LDLRAD3: variants seen among roughly 807,000 people sequenced by gnomAD.
The protein encoded by LDLRAD3 is low-density lipoprotein receptor class A domain-containing protein 3.
Under a neutral mutation model 29.4 loss-of-function variants are expected in LDLRAD3, and 20 were observed. That is an observed-to-expected ratio of 0.68 (90% CI 0.48 to 0.99). The LOEUF is 0.99. LDLRAD3 is among the 50% of genes least tolerant of loss of function. The pLI, the probability that LDLRAD3 is intolerant of heterozygous loss-of-function variation, is 0.00. For synonymous variants in LDLRAD3, 157 were observed against 192.7 expected, an observed-to-expected ratio of 0.81 and a Z score of 1.53; for missense variants, 420 against 454.3, an observed-to-expected ratio of 0.92 and a Z score of 0.69.
Position 36,229,306 on chromosome 11 carries a change from A to C in LDLRAD3, c.947A>C (p.Asp316Ala), listed in dbSNP as rs749425609. Residue 316 changes from aspartate to alanine, a missense_variant, in exon 6 of 6, where the codon GAC becomes GCC. By Grantham distance (126) the Asp-to-Ala change is moderately radical (BLOSUM62 -2). This residue lies in a region of LDLRAD3 where 140 missense variants were observed against 139.9 expected (regional missense o/e 1.00). Transcript: ENST00000315571. ...GCCAGCAGCCTCCTGAGCGTGGAAG[A>C]CACCAGCCACAGCCCGGGGCAGCCT... ...QAASSLLSVE[D>A]TSHSPGQPGP... 2 of 1,613,820 alleles carry C rather than the reference A, an allele frequency of 1.2e-6. No individual in the cohort carries two copies. The highest frequency in any genetic ancestry group is 2.7e-5 in the African/African-American group (2 of 74,914).
intron 1 of LDLRAD3, among the ~76,000 whole-genome samples, chr11:36,013,117 C>T (rs1200617410): frequency 6.6e-6 from 1 of 152,176 alleles, no homozygotes; most frequent in Admixed American, 6.5e-5. Context: ...CCAAATATCG[C>T]TGAGTGTTCT....
intron 4 of LDLRAD3, among the ~76,000 whole-genome samples, chr11:36,205,181 G>T (rs927742652): frequency 6.6e-6 from 1 of 152,210 alleles, no homozygotes; most frequent in East Asian, 1.9e-4. Context: ...ACAGATTAAG[G>T]CAACAAAGCC....
intron 1 of LDLRAD3, among the ~76,000 whole-genome samples, chr11:35,960,874 G>T (rs1383759022): frequency 1.3e-5 from 2 of 152,204 alleles, no homozygotes; most frequent in Non-Finnish European, 2.9e-5. Context: ...GATTACAGGC[G>T]TGAGCCACCG....
At chr11:35,986,814 C>T (rs181263214) in intron 1 of LDLRAD3, among the ~76,000 whole-genome samples, 1 of 152,366 alleles carries the variant, frequency 6.6e-6, no homozygotes, top group Non-Finnish European at 1.5e-5. Context: ...GTATCACTCT[C>T]TGCCACAGAT....
At chr11:36,038,478 AAG>A (rs1852333511) in intron 2 of LDLRAD3, among the ~76,000 whole-genome samples, 1 of 152,178 alleles carries the variant, frequency 6.6e-6, no homozygotes, top group Admixed American at 6.6e-5. Context: ...CAGTTTCTGA[AAG>A]AACGCAGGAT....
chr11:36,124,963 C>G (rs1853814868), intron 4 of LDLRAD3, among the ~76,000 whole-genome samples: 2 of 152,098 alleles, frequency 1.3e-5, no homozygotes, highest in South Asian at 4.2e-4. Context: ...ATTTCCATTT[C>G]TTAGACATGC....
intron 4 of LDLRAD3, among the ~76,000 whole-genome samples, chr11:36,203,796 T>G (rs885452): frequency 0.29 from 43,989 of 152,000 alleles, 6,435 homozygotes; most frequent in African/African-American, 0.33. Flanking sequence ...CCCAGAAGGC[T>G]TCTCCACCCT....
At chr11:35,999,543 C>T (rs934106384) in intron 1 of LDLRAD3, among the ~76,000 whole-genome samples, 2 of 152,180 alleles carry the variant, frequency 1.3e-5, no homozygotes, top group African/African-American at 2.4e-5. Context: ...TCATTGGAGG[C>T]GGCTGCGTTC....
intron 1 of LDLRAD3, among the ~76,000 whole-genome samples, chr11:35,959,527 G>A (rs1851249643): frequency 6.6e-6 from 1 of 152,154 alleles, no homozygotes; most frequent in African/African-American, 2.4e-5. Context: ...CTTCCGAATA[G>A]CGTAAAAGAT....
intron 4 of LDLRAD3, among the ~76,000 whole-genome samples, chr11:36,149,066 G>A (rs371652607): frequency 3.9e-5 from 6 of 152,160 alleles, no homozygotes; most frequent in Non-Finnish European, 5.9e-5. Flanking sequence ...TGGCCACAGC[G>A]TCTGGAAACT....
chr11:35,944,184 G>A lies in LDLRAD3; in HGVS notation c.46+40G>A. The A allele has an allele frequency of 1.1e-6, 1 of 950,828 alleles. No homozygotes were observed. The highest frequency in any genetic ancestry group is 1.3e-6 in the Non-Finnish European group (1 of 797,380). The allele number at this position is 950,828 out of a possible 1,614,324, so 58.9% of individuals were successfully genotyped here. On this transcript the variant is annotated intron_variant, in intron 1 of 5. Transcript: ENST00000315571. The surrounding 1 kb of genome is among the most constrained non-coding windows in gnomAD (Gnocchi z 4.9). ...GGCCGGCGAACTTCCCGCGGGGCGCGGGGCGCGGGGCGCGGGGCGCAGCGG... is the reference window on the plus strand; with the variant it reads ...GGCCGGCGAACTTCCCGCGGGGCGCAGGGCGCGGGGCGCGGGGCGCAGCGG...
At chr11:36,062,083 A>G (rs1333099936) in intron 2 of LDLRAD3, among the ~76,000 whole-genome samples, 1 of 152,082 alleles carries the variant, frequency 6.6e-6, no homozygotes, top group East Asian at 1.9e-4. Flanking sequence ...TTCATCTCCC[A>G]TTTTACAGAT....
intron 2 of LDLRAD3, among the ~76,000 whole-genome samples, chr11:36,046,129 C>A (rs1282711180): frequency 5.3e-5 from 8 of 152,152 alleles, no homozygotes; most frequent in Non-Finnish European, 1.0e-4. Flanking sequence ...CATGTCCCTG[C>A]AAAGGACATG....
At chr11:36,114,984 A>G (rs568868108) in intron 4 of LDLRAD3, among the ~76,000 whole-genome samples, 8 of 152,190 alleles carry the variant, frequency 5.3e-5, no homozygotes, top group Non-Finnish European at 1.2e-4. Flanking sequence ...AAATGATGCT[A>G]TGTGATTTCT....
At chr11:36,081,435 CTT>C (rs1443676063) in intron 2 of LDLRAD3, among the ~76,000 whole-genome samples, 1 of 152,218 alleles carries the variant, frequency 6.6e-6, no homozygotes, top group African/African-American at 2.4e-5. Context: ...ATGTTATCCT[CTT>C]GGGTACTTTT....
At chr11:36,089,092 A>T (rs147769406) in intron 3 of LDLRAD3, among the ~76,000 whole-genome samples, 60 of 152,332 alleles carry the variant, frequency 3.9e-4, no homozygotes, top group African/African-American at 1.4e-3. Context: ...CGACAAACAT[A>T]TACTGAATAA....
At chr11:36,094,054 G>C (rs1203981182) in intron 3 of LDLRAD3, among the ~76,000 whole-genome samples, 1 of 152,234 alleles carries the variant, frequency 6.6e-6, no homozygotes, top group Non-Finnish European at 1.5e-5. Context: ...TCTCAATCCA[G>C]TCTGTGGATT....
Position 36,081,655 on chromosome 11 carries a change from A to G in LDLRAD3, c.196A>G (p.Lys66Glu). ...GCTGTTTCTTTTTCTTCCTGCAGCC[A>G]AGGCTAAGTCGAAATGTGGCCCAAC... is the stretch of plus-strand genomic sequence containing the variant. ...FDKSDEKECP[K>E]AKSKCGPTFF... The change falls in exon 3 of 6, where the codon AAG (lysine) becomes GAG (glutamate). Residue 66 changes from lysine (K) to glutamate (E), a missense_variant and splice_region_variant. Coordinates refer to ENST00000315571, the MANE Select transcript of LDLRAD3 (RefSeq NM_174902.4). The G allele has an allele frequency of 6.2e-7, 1 of 1,614,242 alleles. No homozygotes were observed. Among genetic ancestry groups the G allele is most frequent in the Non-Finnish European group, 8.5e-7 (1 of 1,180,036 alleles).
intron 1 of LDLRAD3, among the ~76,000 whole-genome samples, chr11:35,955,821 G>A (rs1851193945): frequency 6.6e-6 from 1 of 152,238 alleles, no homozygotes; most frequent in African/African-American, 2.4e-5. Flanking sequence ...TAAAGTCTGT[G>A]GGAATGGGGA....
Sources: gnomAD v4.1 joint callset for allele counts (sites outside exome capture counted in the v4.1 genomes callset) on GRCh38, gnomAD v4.1.1 for gene constraint, gnomAD v4.1.1 regional missense constraint, Gnocchi (gnomAD v3.1) non-coding constraint, MANE v1.5 for transcripts, NCBI Gene and HGNC (gene_info 2026-07-23, HGNC 2026-07-21) for gene names.